The following TTC7A variants were observed in gnomAD, a reference collection of about 807,000 sequenced individuals.
TTC7A encodes the protein tetratricopeptide repeat domain 7A.
In TTC7A, 110 loss-of-function variants were observed where a neutral mutation model predicts 103.7. That is an observed-to-expected ratio of 1.06 (90% CI 0.91 to 1.24). The LOEUF (loss-of-function observed/expected upper bound fraction) is 1.24. TTC7A is among the 50% of genes most tolerant of loss of function. TTC7A has a pLI of 0.00. For synonymous variants in TTC7A, 521 were observed against 467.9 expected (o/e 1.11, Z -1.47); for missense variants, 1,340 against 1,116.3 (o/e 1.20, Z -2.86).
chr2:46,994,348 C>G lies in TTC7A; in HGVS notation c.844-9C>G, dbSNP rs2104386564. 1.9e-6 allele frequency: 3 copies of G among 1,610,378 alleles called. No individual in the cohort carries two copies. The highest frequency in any genetic ancestry group is 2.5e-6 in the Non-Finnish European group (3 of 1,178,004). ...TGTGCCTGGGTCCGAGTGCTTCCCT[C>G]TCTGCCAGATGGCGGCCAAGCACCT... On this transcript the variant is annotated splice_polypyrimidine_tract_variant and intron_variant, in intron 6 of 19. Coordinates refer to ENST00000319190, the MANE Select transcript of TTC7A (RefSeq NM_020458.4).
At chr2:47,050,078 A>G (rs556463761) in intron 17 of TTC7A, 32 bp downstream of exon 17, 37 of 1,529,060 alleles carry the variant, frequency 2.4e-5, no homozygotes, top group Non-Finnish European at 3.4e-5. Flanking sequence ...CACTGTGTGC[A>G]TGGACCCACA....
chr2:46,979,467 C>G (rs369136354), intron 5 of TTC7A, among the ~76,000 whole-genome samples: 4 of 152,082 alleles, frequency 2.6e-5, no homozygotes, highest in East Asian at 3.9e-4. Flanking sequence ...TGCTTGTTTT[C>G]CTGTGGGTTG....
intron 15 of TTC7A, among the ~76,000 whole-genome samples, chr2:47,032,302 G>C (rs888305654): frequency 6.6e-6 from 1 of 152,230 alleles, no homozygotes; most frequent in African/African-American, 2.4e-5. Flanking sequence ...CAAAAAGGTT[G>C]AGGAGCCCTG....
At chr2:47,053,169 C>T (rs938486334) in intron 18 of TTC7A, among the ~76,000 whole-genome samples, 1 of 152,078 alleles carries the variant, frequency 6.6e-6, no homozygotes, top group Non-Finnish European at 1.5e-5. Context: ...CCTTCGGATG[C>T]TGGGGGTGGG....
upstream of TTC7A, among the ~76,000 whole-genome samples, chr2:46,938,803 G>A (rs1312815793): frequency 6.6e-6 from 1 of 151,752 alleles, no homozygotes; most frequent in African/African-American, 2.4e-5. Context: ...CATGAGGTCA[G>A]GAGTTTGAGA....
intron 18 of TTC7A, among the ~76,000 whole-genome samples, chr2:47,056,164 G>A (rs989564910): frequency 3.3e-5 from 5 of 152,144 alleles, no homozygotes; most frequent in Non-Finnish European, 7.3e-5. Flanking sequence ...TGGCCTGGGC[G>A]TTCTCCATTC....
chr2:46,992,215 T>C (rs1344964560), intron 5 of TTC7A, among the ~76,000 whole-genome samples: 1 of 152,224 alleles, frequency 6.6e-6, no homozygotes, highest in Non-Finnish European at 1.5e-5. Flanking sequence ...GAGCATGTGC[T>C]ACGTGGCAGG....
intron 8 of TTC7A, among the ~76,000 whole-genome samples, chr2:47,000,765 TC>T (rs2104423396): frequency 6.6e-6 from 1 of 152,336 alleles, no homozygotes; most frequent in South Asian, 2.1e-4. Context: ...TGAGCCTTGT[TC>T]CTTGGCCAAT....
chr2:46,937,210 C>G (rs1412986176), upstream of TTC7A, among the ~76,000 whole-genome samples: 1 of 152,072 alleles, frequency 6.6e-6, no homozygotes. This position sits in a 1 kb window ranked among gnomAD's most constrained non-coding sequence, Gnocchi z 4.0. Flanking sequence ...AAAAGCTGAA[C>G]TACTTAAAAC....
At chr2:47,062,632 C>T (rs913457518) in intron 19 of TTC7A, among the ~76,000 whole-genome samples, 3 of 152,184 alleles carry the variant, frequency 2.0e-5, no homozygotes, top group African/African-American at 7.2e-5. Flanking sequence ...ACTGTGTTCA[C>T]GGATATAAGC....
chr2:47,047,499 G>A (rs1167980260), intron 16 of TTC7A, among the ~76,000 whole-genome samples: 1 of 152,276 alleles, frequency 6.6e-6, no homozygotes, highest in Non-Finnish European at 1.5e-5. Flanking sequence ...GCAGCTGGAT[G>A]CATGAAGCCA....
At position 46,947,057 on chromosome 2, in the gene TTC7A, T is replaced by C. The variant is rs898129930; in HGVS notation, c.185-3306T>C. ...ACAGGTATATGAAGGTAAGGACAGT[T>C]CTTATCCCTGTCCTTGGATTTACAA... On this transcript the variant is annotated intron_variant, in intron 1 of 19. Coordinates refer to ENST00000319190, the MANE Select transcript of TTC7A (RefSeq NM_020458.4). 2.9e-4 allele frequency among the ~76,000 whole-genome samples: 44 copies of C among 152,168 alleles called. 1 individual carries two copies. Among genetic ancestry groups the C allele is most frequent in the Admixed American group, 2.9e-3 (44 of 15,286 alleles).
chr2:47,036,087 T>C (rs1681070431), intron 15 of TTC7A, among the ~76,000 whole-genome samples: 1 of 152,186 alleles, frequency 6.6e-6, no homozygotes, highest in Non-Finnish European at 1.5e-5. Flanking sequence ...CAGGAATTTG[T>C]GTTTGGGAAG....
chr2:46,961,362 G>C (rs1250159230), intron 3 of TTC7A, among the ~76,000 whole-genome samples: 5 of 152,002 alleles, frequency 3.3e-5, no homozygotes, highest in African/African-American at 1.2e-4. Context: ...AGATCACGAG[G>C]TCAGGAGATC....
chr2:47,055,151 C>G (rs574731893), intron 18 of TTC7A, among the ~76,000 whole-genome samples: 1 of 152,108 alleles, frequency 6.6e-6, no homozygotes, highest in African/African-American at 2.4e-5. Flanking sequence ...AGCATCCCCC[C>G]GCCAAACCCT....
At chr2:46,977,068 TAA>T (rs1158330332) in intron 4 of TTC7A, among the ~76,000 whole-genome samples, 1 of 152,210 alleles carries the variant, frequency 6.6e-6, no homozygotes, top group Non-Finnish European at 1.5e-5. Flanking sequence ...ATGGAAAAGA[TAA>T]AGTCTGCTGC....
At chr2:46,940,775 C>G (rs1264504415), upstream of TTC7A, among the ~76,000 whole-genome samples, 2 of 152,218 alleles carry the variant, frequency 1.3e-5, no homozygotes, top group Non-Finnish European at 2.9e-5. This position sits in a 1 kb window ranked among gnomAD's most constrained non-coding sequence, Gnocchi z 4.7. Flanking sequence ...GCATGCCTGG[C>G]CCGCATCGCA....
intron 19 of TTC7A, among the ~76,000 whole-genome samples, 165 bp from the exon 20 acceptor site, chr2:47,073,537 T>G (rs185667002): frequency 1.4e-4 from 22 of 152,052 alleles, no homozygotes; most frequent in African/African-American, 5.1e-4. Flanking sequence ...CAGGTAGGAT[T>G]TGTATGGGGA....
chr2:46,917,644 G>A (rs148921156), intron 2 of TTC7A, among the ~76,000 whole-genome samples: 2 of 152,090 alleles, frequency 1.3e-5, no homozygotes, highest in African/African-American at 4.8e-5. Context: ...TGTCTCTCTT[G>A]AATCTACAGT....
Sources: allele counts gnomAD v4.1 joint callset (sites outside exome capture counted in the v4.1 genomes callset), GRCh38; gene constraint gnomAD v4.1.1; non-coding constraint Gnocchi (gnomAD v3.1); transcripts MANE v1.5; gene names NCBI Gene and HGNC (gene_info 2026-07-23, HGNC 2026-07-21).